The following UNC13C variants were observed in gnomAD, a reference collection of about 807,000 sequenced individuals.
UNC13C encodes protein unc-13 homolog C.
A neutral mutation model predicts 245.4 loss-of-function variants in UNC13C; 174 were observed. That is an observed-to-expected ratio of 0.71 (90% CI 0.63 to 0.80). UNC13C has a LOEUF of 0.80. Ranked by LOEUF, UNC13C falls within the 30% of genes least tolerant of loss-of-function variation. UNC13C has a pLI of 0.00. For missense variants in UNC13C, 2,829 were observed against 2,602.9 expected (o/e 1.09, Z -1.89); for synonymous variants, 992 against 895.1 (o/e 1.11, Z -1.93).
At chr15:54,415,203 C>A in intron 19 of UNC13C, 136 bp downstream of exon 19, 1 of 604,236 alleles carries the variant, frequency 1.7e-6, no homozygotes. Context: ...AAACTTATTT[C>A]CGTATGGTGA....
At chr15:54,616,991 A>T (rs548337754) in intron 30 of UNC13C, among the ~76,000 whole-genome samples, 1 of 152,128 alleles carries the variant, frequency 6.6e-6, no homozygotes, top group Non-Finnish European at 1.5e-5. Flanking sequence ...TATTCAGTAC[A>T]GTAACATACT....
In UNC13C at chr15:54,552,688, AAT is replaced by A. The variant is rs1383518544; in HGVS notation, c.5878-2743_5878-2742del. On this transcript the variant is annotated intron_variant, in intron 28 of 32. Coordinates refer to ENST00000260323, the MANE Select transcript of UNC13C (RefSeq NM_001080534.3). The stretch of plus-strand genomic sequence containing the variant: ...ATTGTACTATATAATATAATTATAT[AAT>A]TATATATTATATATAATTATATTAT... Among the ~76,000 whole-genome samples the A allele has an allele frequency of 1.5e-3, 128 of 85,548 alleles. 1 individual carries two copies. The highest frequency in any genetic ancestry group is 2.4e-3 in the Non-Finnish European group (122 of 50,574). The allele number at this position is 85,548 out of a possible 152,430, so 56.1% of individuals were successfully genotyped here.
At chr15:54,477,637 C>G (rs1470342026) in intron 19 of UNC13C, among the ~76,000 whole-genome samples, 1 of 121,898 alleles carries the variant, frequency 8.2e-6, no homozygotes, top group Non-Finnish European at 1.8e-5. Context: ...ATTGAACCAG[C>G]CTTGAATCCC....
At chr15:53,845,920 T>C in the UNC13C span, among the ~76,000 whole-genome samples, 1 of 152,160 alleles carries the variant, frequency 6.6e-6, no homozygotes, top group African/African-American at 2.4e-5. Flanking sequence ...TTCTCTTTTT[T>C]TTTACTTTAC....
At chr15:53,839,316 T>C in the UNC13C span, among the ~76,000 whole-genome samples, 1 of 152,094 alleles carries the variant, frequency 6.6e-6, no homozygotes, top group Non-Finnish European at 1.5e-5. Flanking sequence ...AAGGGCAACT[T>C]CTCCAACTTC....
chr15:54,453,901 C>A (rs976059330), intron 19 of UNC13C, among the ~76,000 whole-genome samples: 7 of 152,188 alleles, frequency 4.6e-5, no homozygotes, highest in South Asian at 2.1e-4. Context: ...GCAACGAGCA[C>A]CCCATCTAGT....
chr15:54,143,025 T>C lies in UNC13C; in HGVS notation c.2991T>C (p.Ser997=), dbSNP rs1181786721. Residue 997 remains serine, a synonymous_variant, in exon 3 of 33, where the codon AGT becomes AGC. Coordinates refer to ENST00000260323, the MANE Select transcript of UNC13C (RefSeq NM_001080534.3). ...TTCCTGATTCTCTTTCAGATAGCAG[T>C]TCTGTGGATGAAAAGGTTTTAAATC... is the stretch of plus-strand genomic sequence containing the variant. The part of the protein sequence containing the change: ...LEEKILAGDS[S]SVDEKARIVS... 6 of 1,611,762 alleles carry C rather than the reference T, an allele frequency of 3.7e-6. No individual in the cohort carries two copies. Among genetic ancestry groups the C allele is most frequent in the Non-Finnish European group, 1.7e-6 (2 of 1,179,084 alleles).
At chr15:54,382,956 TAG>T (rs1475321671) in intron 17 of UNC13C, among the ~76,000 whole-genome samples, 7 of 152,100 alleles carry the variant, frequency 4.6e-5, no homozygotes, top group Non-Finnish European at 8.8e-5. Flanking sequence ...AAGAAATGAA[TAG>T]ATTCTTGGAA....
intron 30 of UNC13C, among the ~76,000 whole-genome samples, chr15:54,603,788 G>A (rs1038064455): frequency 2.0e-5 from 3 of 152,064 alleles, no homozygotes; most frequent in East Asian, 1.9e-4. Context: ...CACTTGAAAC[G>A]GGAGGCAGAT....
chr15:54,458,160 G>A (rs889663200), intron 19 of UNC13C, among the ~76,000 whole-genome samples: 9 of 151,896 alleles, frequency 5.9e-5, no homozygotes, highest in African/African-American at 2.2e-4. Flanking sequence ...ATCATTCGGG[G>A]CAGATTATTT....
At chr15:54,053,966 A>G (rs1187856999) in intron 2 of UNC13C, among the ~76,000 whole-genome samples, 1 of 152,230 alleles carries the variant, frequency 6.6e-6, no homozygotes, top group African/African-American at 2.4e-5. Context: ...TGCAAATGAC[A>G]GGATCTCATT....
At chr15:53,845,252 G>C in the UNC13C span, among the ~76,000 whole-genome samples, 1 of 151,532 alleles carries the variant, frequency 6.6e-6, no homozygotes, top group Admixed American at 6.6e-5. Context: ...TTGAACCTGG[G>C]AGGCTGAGGT....
chr15:54,625,036 CTATT>C (rs1402520037), intron 32 of UNC13C, among the ~76,000 whole-genome samples: 3 of 152,014 alleles, frequency 2.0e-5, no homozygotes, highest in African/African-American at 7.2e-5. Context: ...ATGGAAAGAA[CTATT>C]CATTTCTTTT....
intron 17 of UNC13C, among the ~76,000 whole-genome samples, chr15:54,383,481 A>C (rs545638186): frequency 6.6e-6 from 1 of 152,186 alleles, no homozygotes; most frequent in South Asian, 2.1e-4. Context: ...TTCTTTTATA[A>C]CAACGGTGAG....
chr15:54,398,053 A>G (rs2040107051), intron 18 of UNC13C, among the ~76,000 whole-genome samples: 1 of 151,430 alleles, frequency 6.6e-6, no homozygotes, highest in Non-Finnish European at 1.5e-5. Context: ...GAAAGCATAG[A>G]GATTTTTACC....
At chr15:54,242,367 A>G (rs955593453) in intron 7 of UNC13C, among the ~76,000 whole-genome samples, 5 of 152,144 alleles carry the variant, frequency 3.3e-5, no homozygotes, top group African/African-American at 9.7e-5. Context: ...GAGTTAGTCT[A>G]GACAATTTAT....
chr15:54,115,492 T>A (rs1485716616), intron 2 of UNC13C, among the ~76,000 whole-genome samples: 1 of 152,078 alleles, frequency 6.6e-6, no homozygotes, highest in Non-Finnish European at 1.5e-5. Context: ...ACCATTTTAT[T>A]TTTCTTTTTA....
At chr15:54,494,504 C>G (rs1893863943) in intron 19 of UNC13C, 104 bp from the exon 20 acceptor site, 2 of 1,139,872 alleles carry the variant, frequency 1.8e-6, no homozygotes, top group Non-Finnish European at 2.3e-6. Flanking sequence ...ATCTAATATA[C>G]TATTTTCTTC....
At chr15:54,119,376 A>G (rs2030505832) in intron 2 of UNC13C, among the ~76,000 whole-genome samples, 1 of 152,118 alleles carries the variant, frequency 6.6e-6, no homozygotes, top group African/African-American at 2.4e-5. Context: ...ATCTGTGATC[A>G]GTGACCTTTG....
Sources: gnomAD v4.1 joint callset for allele counts (sites outside exome capture counted in the v4.1 genomes callset) on GRCh38, gnomAD v4.1.1 for gene constraint, MANE v1.5 for transcripts, NCBI Gene and HGNC (gene_info 2026-07-23, HGNC 2026-07-21) for gene names.